The following HYLS1 variants were observed in gnomAD, a reference collection of about 807,000 sequenced individuals.
The protein encoded by HYLS1 is centriolar and ciliogenesis-associated protein HYLS1.
HYLS1 carries 25 observed loss-of-function variants against 29.4 expected under a neutral mutation model. The ratio of observed to expected loss-of-function variants is 0.85; its 90% CI spans 0.62 to 1.19. HYLS1 has a LOEUF of 1.19. Ranked by LOEUF, HYLS1 falls within the 50% of genes most tolerant of loss-of-function variation. The pLI is 0.00. For synonymous variants in HYLS1, 128 were observed against 126.7 expected (o/e 1.01, Z -0.07); for missense variants, 352 against 365.1 (o/e 0.96, Z 0.29).
Position 125,899,650 on chromosome 11 carries a change from G to A in HYLS1, c.282G>A (p.Met94Ile). The change falls in exon 3 of 3, where the codon ATG becomes ATA. Residue 94 changes from methionine to isoleucine, a missense_variant. Coordinates refer to ENST00000425380, the MANE Select transcript of HYLS1 (RefSeq NM_001134793.2). ...EASQRLRKPV[M>I]KRKVLRRKPD... ...CCCAAAGACTCCGAAAGCCAGTGATGAAGAGAAAGGTGCTGCGCAGAAAGC... is the reference window on the plus strand; with the variant it reads ...CCCAAAGACTCCGAAAGCCAGTGATAAAGAGAAAGGTGCTGCGCAGAAAGC... 3 of 1,614,224 alleles carry A rather than the reference G, an allele frequency of 1.9e-6. No individual in the cohort carries two copies. The highest frequency in any genetic ancestry group is 2.5e-6 in the Non-Finnish European group (3 of 1,180,036).
At chr11:125,889,540 C>T (rs1040085183) in intron 1 of HYLS1, among the ~76,000 whole-genome samples, 1 of 151,974 alleles carries the variant, frequency 6.6e-6, no homozygotes, top group African/African-American at 2.4e-5. Context: ...TTGAAACCAG[C>T]CTGGCCAACA....
chr11:125,887,131 A>T (rs192043379), upstream of HYLS1: 1 of 152,686 alleles, frequency 6.5e-6, no homozygotes, highest in African/African-American at 2.4e-5. Flanking sequence ...CCAGGGTTTC[A>T]TACAGCCGCT....
chr11:125,890,431 ATGTTT>A (rs1047883762), intron 1 of HYLS1, among the ~76,000 whole-genome samples: 2 of 152,022 alleles, frequency 1.3e-5, no homozygotes, highest in African/African-American at 4.8e-5. Context: ...TTGTGGTAGG[ATGTTT>A]TGTTTTGTTT....
In HYLS1 at chr11:125,899,676, C is replaced by T; in HGVS notation, c.308C>T (p.Pro103Leu). Residue 103 changes from proline to leucine, a missense_variant, in exon 3 of 3, where the codon CCA (proline) becomes CTA (leucine). Transcript: ENST00000425380. ...AAGAGAAAGGTGCTGCGCAGAAAGC[C>T]AGATGGGGAAGTATTAGTAACAGAT... ...VMKRKVLRRKPDGEVLVTDES... is the reference protein window; with the variant it reads ...VMKRKVLRRKLDGEVLVTDES... 6.2e-7 allele frequency: 1 copy of T among 1,614,148 alleles called. No homozygotes were observed. The highest frequency in any genetic ancestry group is 8.5e-7 in the Non-Finnish European group (1 of 1,180,024).
chr11:125,895,415 C>T, intron 2 of HYLS1: 1 of 1,614,088 alleles, frequency 6.2e-7, no homozygotes, highest in Non-Finnish European at 8.5e-7. Flanking sequence ...CACCTGGGCT[C>T]TGGCCCACTA....
Position 125,899,804 on chromosome 11 carries a change from T to A in HYLS1, c.436T>A (p.Ser146Thr), listed in dbSNP as rs377545190. The A allele has an allele frequency of 6.2e-7, 1 of 1,614,078 alleles. No individual in the cohort carries two copies. Among genetic ancestry groups the A allele is most frequent in the Non-Finnish European group, 8.5e-7 (1 of 1,180,018 alleles). The change falls in exon 3 of 3, where the codon TCT becomes ACT. Residue 146 changes from serine to threonine, a missense_variant. Coordinates refer to ENST00000425380, the MANE Select transcript of HYLS1 (RefSeq NM_001134793.2). ...MNVQFQEDKE[S>T]SFDVSQKFNL... ...TGTACAGTTCCAGGAAGACAAGGAATCTTCATTTGATGTTTCACAAAAATT... is the reference window on the plus strand; with the variant it reads ...TGTACAGTTCCAGGAAGACAAGGAAACTTCATTTGATGTTTCACAAAAATT...
chr11:125,894,120 TGTCC>T, intron 2 of HYLS1: 1 of 1,614,020 alleles, frequency 6.2e-7, no homozygotes, highest in Non-Finnish European at 8.5e-7. Context: ...ACTGGAACAG[TGTCC>T]AGTCCTTGTA....
At chr11:125,891,628 T>G (rs1467989713) in intron 2 of HYLS1, among the ~76,000 whole-genome samples, 156 bp downstream of exon 2, 2 of 152,022 alleles carry the variant, frequency 1.3e-5, no homozygotes, top group Non-Finnish European at 2.9e-5. Context: ...CATAATGAAG[T>G]GTTGATAGAC....
chr11:125,900,454 A>C lies in HYLS1; in HGVS notation c.*186A>C, dbSNP rs181281091. 25 of 604,186 alleles carry C rather than the reference A, an allele frequency of 4.1e-5. No individual in the cohort carries two copies. The East Asian group carries it at 6.5e-4, about 16-fold the overall frequency. The allele number at this position is 604,186 out of a possible 1,614,324, so 37.4% of individuals were successfully genotyped here. A position where few individuals can be genotyped will look rare whatever the true frequency, so the allele number is the denominator to read the frequency against. On this transcript the variant is annotated 3_prime_UTR_variant, in exon 3 of 3. Coordinates refer to ENST00000425380, the MANE Select transcript of HYLS1 (RefSeq NM_001134793.2). ...AGATGATACTTCCAAATTGCCACTC[A>C]AATCCAGCAATTGCAAGATAAATCA...
chr11:125,898,880 G>A (rs1591506149), intron 2 of HYLS1, among the ~76,000 whole-genome samples: 1 of 151,672 alleles, frequency 6.6e-6, no homozygotes, highest in East Asian at 1.9e-4. Flanking sequence ...AGTAACCTTG[G>A]GCAAGTTATT....
chr11:125,890,819 T>G (rs1944395733), intron 1 of HYLS1, among the ~76,000 whole-genome samples: 1 of 152,174 alleles, frequency 6.6e-6, no homozygotes, highest in Admixed American at 6.5e-5. Flanking sequence ...TCTATTTTAT[T>G]TATTGTTTGC....
At chr11:125,895,360 T>A in intron 2 of HYLS1, 1 of 1,614,168 alleles carries the variant, frequency 6.2e-7, no homozygotes, top group East Asian at 2.2e-5. Context: ...GCCTGGCCAG[T>A]CACTTCAAAC....
chr11:125,895,345 G>A, intron 2 of HYLS1: 1 of 1,614,182 alleles, frequency 6.2e-7, no homozygotes, highest in Non-Finnish European at 8.5e-7. Flanking sequence ...TGATGATAAA[G>A]GAATGCCTGG....
At chr11:125,889,271 C>T (rs1433641253) in intron 1 of HYLS1, among the ~76,000 whole-genome samples, 1 of 152,138 alleles carries the variant, frequency 6.6e-6, no homozygotes, top group East Asian at 1.9e-4. Context: ...AACCAGTCCC[C>T]TACTAATGTA....
At chr11:125,897,544 A>T (rs1944625185) in intron 2 of HYLS1, among the ~76,000 whole-genome samples, 1 of 151,382 alleles carries the variant, frequency 6.6e-6, no homozygotes, top group East Asian at 1.9e-4. Context: ...AAATCCAGCA[A>T]CCTGAGAGTC....
At chr11:125,885,406 G>A (rs540705536), upstream of HYLS1, among the ~76,000 whole-genome samples, 312 of 152,078 alleles carry the variant, frequency 2.1e-3, 3 homozygotes, top group African/African-American at 6.9e-3. Context: ...AGCCAAGATC[G>A]TGCCACTGCA....
chr11:125,885,227 G>A (rs373035806), upstream of HYLS1, among the ~76,000 whole-genome samples: 7 of 152,276 alleles, frequency 4.6e-5, no homozygotes, highest in South Asian at 4.1e-4. Flanking sequence ...GGAGGCTGGC[G>A]GATCGCTTGA....
At chr11:125,885,566 T>C (rs1356428314), upstream of HYLS1, among the ~76,000 whole-genome samples, 1 of 152,102 alleles carries the variant, frequency 6.6e-6, no homozygotes, top group African/African-American at 2.4e-5. Context: ...CTAAGACAGA[T>C]TGGAGATTCA....
At chr11:125,887,595 G>C (rs1461616932), upstream of HYLS1, 1 of 152,324 alleles carries the variant, frequency 6.6e-6, no homozygotes, top group Non-Finnish European at 1.5e-5. Context: ...ACCGGGCCAA[G>C]GGTGCCGGTT....
Sources: gnomAD v4.1 joint callset for allele counts (sites outside exome capture counted in the v4.1 genomes callset) on GRCh38, gnomAD v4.1.1 for gene constraint, MANE v1.5 for transcripts, NCBI Gene and HGNC (gene_info 2026-07-23, HGNC 2026-07-21) for gene names.